The following RBFOX3 variants were observed in gnomAD, a reference collection of about 807,000 sequenced individuals.
The protein encoded by RBFOX3 is RNA binding protein fox-1 homolog 3.
RBFOX3 carries 17 observed loss-of-function variants against 48.7 expected under a neutral mutation model. That is an observed-to-expected ratio of 0.35 (90% CI 0.24 to 0.52). The LOEUF (loss-of-function observed/expected upper bound fraction) is 0.52, where lower values mean the gene tolerates loss of function less well. RBFOX3 is among the 20% of genes least tolerant of loss of function. The probability of loss-of-function intolerance (pLI) is 0.94; values close to 1 mark genes in which losing one functional copy is unlikely to be tolerated. For synonymous variants in RBFOX3, 212 were observed against 209.5 expected (o/e 1.01, Z -0.10); for missense variants, 382 against 497.5 (o/e 0.77, Z 2.21).
At chr17:79,470,621 G>T (rs1316028320) in intron 2 of RBFOX3, among the ~76,000 whole-genome samples, 1 of 152,180 alleles carries the variant, frequency 6.6e-6, no homozygotes, top group Non-Finnish European at 1.5e-5. Context: ...GGTGTGCAGA[G>T]GTGAGATGAG....
chr17:79,478,349 A>G (rs1235689753), intron 2 of RBFOX3, among the ~76,000 whole-genome samples: 1 of 152,182 alleles, frequency 6.6e-6, no homozygotes, highest in African/African-American at 2.4e-5. Flanking sequence ...TGTAAGCTGC[A>G]CTACCACGGC....
chr17:79,202,880 G>A (rs1038103331), intron 4 of RBFOX3, among the ~76,000 whole-genome samples: 1 of 152,192 alleles, frequency 6.6e-6, no homozygotes, highest in Non-Finnish European at 1.5e-5. Context: ...TTGGCTGGAC[G>A]GGGAGAGGAC....
At chr17:79,142,216 G>C (rs558519272) in intron 4 of RBFOX3, among the ~76,000 whole-genome samples, 3 of 152,070 alleles carry the variant, frequency 2.0e-5, no homozygotes, top group African/African-American at 7.2e-5. Flanking sequence ...TGTGTGCCTT[G>C]TCTGTAATTA....
At chr17:79,640,126 A>G in the RBFOX3 span, among the ~76,000 whole-genome samples, 32 of 152,360 alleles carry the variant, frequency 2.1e-4, no homozygotes, top group African/African-American at 7.5e-4. Context: ...ATTACAGAAT[A>G]CAAAGTCAAC....
chr17:79,451,127 T>G (rs1555741385), intron 2 of RBFOX3, among the ~76,000 whole-genome samples: 1 of 152,144 alleles, frequency 6.6e-6, no homozygotes, highest in Non-Finnish European at 1.5e-5. Flanking sequence ...CTTGCTTCAC[T>G]GGGACAATTT....
intron 1 of RBFOX3, among the ~76,000 whole-genome samples, chr17:79,519,909 T>C (rs1003911268): frequency 1.6e-4 from 24 of 152,314 alleles, no homozygotes; most frequent in Admixed American, 3.3e-4. Context: ...CTGCCCTGCC[T>C]CTGCGCTGCT....
intron 2 of RBFOX3, among the ~76,000 whole-genome samples, chr17:79,470,493 T>C (rs2076929524): frequency 6.6e-6 from 1 of 152,110 alleles, no homozygotes; most frequent in South Asian, 2.1e-4. Context: ...GAAGGTGGCA[T>C]TAAAATTCTT....
chr17:79,399,404 G>A (rs2062483027), intron 2 of RBFOX3, among the ~76,000 whole-genome samples: 1 of 152,196 alleles, frequency 6.6e-6, no homozygotes, highest in African/African-American at 2.4e-5. Flanking sequence ...CTTCTGATTA[G>A]AGTGACAGCA....
intron 4 of RBFOX3, among the ~76,000 whole-genome samples, chr17:79,227,945 C>T (rs2060514861): frequency 6.6e-6 from 1 of 152,208 alleles, no homozygotes; most frequent in Non-Finnish European, 1.5e-5. Flanking sequence ...AACCCACCTT[C>T]TTTGTGGACC....
At chr17:79,371,930 G>A (rs1026983156) in intron 2 of RBFOX3, among the ~76,000 whole-genome samples, 2 of 152,126 alleles carry the variant, frequency 1.3e-5, no homozygotes, top group African/African-American at 4.8e-5. Context: ...TCAGAGGATC[G>A]AGGCTCCTAA....
At chr17:79,343,957 A>C (rs1213323627) in intron 2 of RBFOX3, among the ~76,000 whole-genome samples, 1 of 152,128 alleles carries the variant, frequency 6.6e-6, no homozygotes, top group Non-Finnish European at 1.5e-5. Context: ...TTAGACCCCC[A>C]TACTCTCCAG....
At position 79,103,676 on chromosome 17, in the gene RBFOX3, A is replaced by C. The variant is rs918799814; in HGVS notation, c.414+397T>G. On this transcript the variant is annotated intron_variant, in intron 7 of 14. Transcript: ENST00000693108. The surrounding 1 kb of genome is among the most constrained non-coding windows in gnomAD (Gnocchi z 6.1). Reference sequence around the variant, plus strand: ...TCTCCACCCTCGGAGCCCAGGGTAGAGGGTCGTGCCTTCCTGGAAGGGGAG... The same window carrying C: ...TCTCCACCCTCGGAGCCCAGGGTAGCGGGTCGTGCCTTCCTGGAAGGGGAG... 4.3e-4 allele frequency among the ~76,000 whole-genome samples: 66 copies of C among 152,088 alleles called. No individual in the cohort carries two copies. The highest frequency in any genetic ancestry group is 1.3e-4 in the Admixed American group (2 of 15,284).
the RBFOX3 span, among the ~76,000 whole-genome samples, chr17:79,625,566 C>A: frequency 3.3e-5 from 5 of 152,030 alleles, no homozygotes; most frequent in Admixed American, 1.3e-4. Flanking sequence ...TGAGTGGGGG[C>A]GGATCACCTG....
chr17:79,314,664 A>G (rs114973784), intron 2 of RBFOX3, among the ~76,000 whole-genome samples: 1,920 of 152,342 alleles, frequency 0.013, 40 homozygotes, highest in African/African-American at 0.043. Context: ...GAAACACACC[A>G]GAGCTGCAGA....
the RBFOX3 span, among the ~76,000 whole-genome samples, chr17:79,633,464 G>A: frequency 1.3e-5 from 2 of 152,214 alleles, no homozygotes; most frequent in African/African-American, 4.8e-5. Context: ...GCAGGCCCCA[G>A]TGTGAGCCCT....
intron 4 of RBFOX3, among the ~76,000 whole-genome samples, chr17:79,128,346 A>T (rs779640167): frequency 7.2e-5 from 11 of 152,148 alleles, no homozygotes; most frequent in Admixed American, 2.0e-4. Context: ...AACCATCGTG[A>T]GCGTTTTCTA....
Position 79,322,527 on chromosome 17 carries a change from T to C in RBFOX3, c.-174-14703A>G, listed in dbSNP as rs1487275268. Among the ~76,000 whole-genome samples, 4 of 152,188 alleles carry C rather than the reference T, an allele frequency of 2.6e-5. 1 individual carries two copies. Among genetic ancestry groups the C allele is most frequent in the Admixed American group, 2.0e-4 (3 of 15,278 alleles). On this transcript the variant is annotated intron_variant, in intron 2 of 14. Coordinates refer to ENST00000693108, the MANE Select transcript of RBFOX3 (RefSeq NM_001350451.2). ...CTAGTAGATTGCAGAGCTGAGGACC[T>C]GGCTGGAGAAGCTCGCTTTCACAGG...
At chr17:79,306,145 G>T (rs1414612389) in intron 3 of RBFOX3, among the ~76,000 whole-genome samples, 1 of 152,360 alleles carries the variant, frequency 6.6e-6, no homozygotes, top group African/African-American at 2.4e-5. Context: ...TGCAGGCGGC[G>T]GCTGCTGCAG....
At chr17:79,397,014 C>T (rs1026534942) in intron 2 of RBFOX3, among the ~76,000 whole-genome samples, 1 of 152,222 alleles carries the variant, frequency 6.6e-6, no homozygotes, top group African/African-American at 2.4e-5. Flanking sequence ...CTTGGAAATG[C>T]TTCCTGGCTG....
Sources: allele counts gnomAD v4.1 joint callset (sites outside exome capture counted in the v4.1 genomes callset), GRCh38; gene constraint gnomAD v4.1.1; non-coding constraint Gnocchi (gnomAD v3.1); transcripts MANE v1.5; gene names NCBI Gene and HGNC (gene_info 2026-07-23, HGNC 2026-07-21).